PCDH15: variants seen among roughly 807,000 people sequenced by gnomAD.
The protein encoded by PCDH15 is protocadherin related 15, also known as protocadherin-15.
A neutral mutation model predicts 178.5 loss-of-function variants in PCDH15; 129 were observed. That is an observed-to-expected ratio of 0.72 (90% confidence interval 0.63 to 0.84). PCDH15 has a LOEUF of 0.84. Among genes scored for constraint, PCDH15 ranks in the 40% least tolerant of loss-of-function variants. The pLI is 0.00. For missense variants in PCDH15, 2,230 were observed against 2,099.9 expected, an observed-to-expected ratio of 1.06 and a Z score of -1.21; for synonymous variants, 800 against 732.0, an observed-to-expected ratio of 1.09 and a Z score of -1.50.
intron 27 of PCDH15, among the ~76,000 whole-genome samples, chr10:53,859,498 C>T (rs1383267184): frequency 1.3e-5 from 2 of 152,070 alleles, no homozygotes; most frequent in Non-Finnish European, 2.9e-5. Flanking sequence ...TAAGCATGTG[C>T]TTCAACCCAC....
intron 2 of PCDH15, among the ~76,000 whole-genome samples, chr10:54,960,922 T>C (rs1000958629): frequency 1.3e-5 from 2 of 152,142 alleles, no homozygotes; most frequent in African/African-American, 4.8e-5. Flanking sequence ...CTATAACACA[T>C]AGGCACACAA....
intron 3 of PCDH15, among the ~76,000 whole-genome samples, chr10:54,429,179 G>A (rs1310527538): frequency 5.3e-5 from 8 of 152,080 alleles, no homozygotes; most frequent in Non-Finnish European, 8.8e-5. Flanking sequence ...GTTAAAAAGC[G>A]GGGGGAGATT....
At chr10:55,228,007 A>C (rs531129017) in intron 1 of PCDH15, among the ~76,000 whole-genome samples, 5 of 152,102 alleles carry the variant, frequency 3.3e-5, no homozygotes, top group Non-Finnish European at 7.3e-5. Flanking sequence ...AGTGAAAATC[A>C]ATCAAAGACA....
At chr10:55,059,242 C>T (rs142470722) in intron 2 of PCDH15, among the ~76,000 whole-genome samples, 1 of 152,040 alleles carries the variant, frequency 6.6e-6, no homozygotes, top group African/African-American at 2.4e-5. Flanking sequence ...ACCTTCCTAC[C>T]AACCCATAAA....
At chr10:55,348,374 A>C (rs1443432107) in intron 2 of PCDH15, among the ~76,000 whole-genome samples, 2 of 152,036 alleles carry the variant, frequency 1.3e-5, no homozygotes, top group African/African-American at 4.8e-5. Context: ...CACAAATTCC[A>C]TTCCTTTTTC....
chr10:55,314,821 T>C (rs1486002796), intron 1 of PCDH15, among the ~76,000 whole-genome samples: 1 of 152,164 alleles, frequency 6.6e-6, no homozygotes, highest in African/African-American at 2.4e-5. Context: ...AGAAAAGCTG[T>C]ATGTTAAAAT....
At chr10:54,963,122 G>A (rs1591808615) in intron 2 of PCDH15, among the ~76,000 whole-genome samples, 1 of 152,094 alleles carries the variant, frequency 6.6e-6, no homozygotes, top group African/African-American at 2.4e-5. Context: ...TGATTATCAG[G>A]TGCTTTATGA....
intron 2 of PCDH15, among the ~76,000 whole-genome samples, chr10:54,584,045 T>A (rs1224009962): frequency 6.6e-6 from 1 of 152,052 alleles, no homozygotes; most frequent in East Asian, 1.9e-4. Flanking sequence ...GAAAGAAAGG[T>A]GTTTACTTTT....
chr10:54,516,349 G>A (rs977923493), intron 3 of PCDH15, among the ~76,000 whole-genome samples: 3 of 152,086 alleles, frequency 2.0e-5, no homozygotes, highest in Non-Finnish European at 4.4e-5. Flanking sequence ...AATAACAAAT[G>A]CAGAGAAGTG....
At chr10:55,471,515 T>C (rs551361629) in intron 2 of PCDH15, among the ~76,000 whole-genome samples, 19 of 152,304 alleles carry the variant, frequency 1.2e-4, no homozygotes, top group Non-Finnish European at 2.6e-4. Flanking sequence ...TGATTAAAAT[T>C]TGTAATGTTT....
At chr10:54,383,976 A>C (rs571815667) in intron 3 of PCDH15, among the ~76,000 whole-genome samples, 114 of 144,944 alleles carry the variant, frequency 7.9e-4, no homozygotes, top group Admixed American at 7.7e-3. Context: ...CTGCCACCAC[A>C]AACAGTTAAT....
At chr10:53,822,204 A>T in intron 32 of PCDH15, 1 of 1,614,056 alleles carries the variant, frequency 6.2e-7, no homozygotes, top group African/African-American at 1.3e-5. Context: ...TGTTATACAG[A>T]CACACTCTGT....
At chr10:55,301,843 G>A (rs1171609979) in intron 1 of PCDH15, among the ~76,000 whole-genome samples, 2 of 151,998 alleles carry the variant, frequency 1.3e-5, no homozygotes, top group Non-Finnish European at 2.9e-5. Flanking sequence ...TATTAAAAAG[G>A]CTATCTTTCC....
At chr10:54,644,880 C>T (rs555197423) in intron 2 of PCDH15, among the ~76,000 whole-genome samples, 1 of 152,182 alleles carries the variant, frequency 6.6e-6, no homozygotes, top group Admixed American at 6.5e-5. Flanking sequence ...GGCCCTTTTG[C>T]CCTTCTGCTA....
intron 2 of PCDH15, among the ~76,000 whole-genome samples, chr10:54,924,741 C>G (rs1212185430): frequency 1.3e-5 from 2 of 152,054 alleles, no homozygotes; most frequent in African/African-American, 2.4e-5. Flanking sequence ...GCATATGTGT[C>G]TTCTTTTAAA....
intron 3 of PCDH15, among the ~76,000 whole-genome samples, chr10:54,460,896 G>C (rs770098469): frequency 4.6e-5 from 7 of 152,066 alleles, no homozygotes; most frequent in Non-Finnish European, 1.0e-4. Flanking sequence ...ATTGAAAAAT[G>C]TATTTTTAGG....
chr10:55,578,778 A>G (rs1456659362), intron 2 of PCDH15, among the ~76,000 whole-genome samples: 1 of 152,150 alleles, frequency 6.6e-6, no homozygotes, highest in Non-Finnish European at 1.5e-5. Flanking sequence ...AGTCACATCT[A>G]ACATGGTGGC....
At chr10:54,733,259 C>T (rs1943650010) in intron 1 of PCDH15, among the ~76,000 whole-genome samples, 1 of 151,462 alleles carries the variant, frequency 6.6e-6, no homozygotes, top group Admixed American at 6.6e-5. Flanking sequence ...AGAAAATAAA[C>T]TTTCAAGAAT....
intron 5 of PCDH15, among the ~76,000 whole-genome samples, chr10:54,363,337 C>T (rs964389473): frequency 6.6e-6 from 1 of 152,018 alleles, no homozygotes; most frequent in Non-Finnish European, 1.5e-5. Context: ...AGTTGTGGGG[C>T]TTTTTTCTTT....
Sources: gnomAD v4.1 joint callset for allele counts (sites outside exome capture counted in the v4.1 genomes callset) on GRCh38, gnomAD v4.1.1 for gene constraint, MANE v1.5 for transcripts, NCBI Gene and HGNC (gene_info 2026-07-23, HGNC 2026-07-21) for gene names.